DPP10: variants seen among roughly 807,000 people sequenced by gnomAD.
DPP10 encodes the protein inactive dipeptidyl peptidase 10.
DPP10 carries 33 observed loss-of-function variants against 120.9 expected under a neutral mutation model. That is an observed-to-expected ratio of 0.27 (90% CI 0.21 to 0.37). The LOEUF is 0.37. Among genes scored for constraint, DPP10 ranks in the 10% least tolerant of loss-of-function variants. The pLI is 1.00. For missense variants in DPP10, 816 were observed against 942.8 expected (o/e 0.87, Z 1.76); for synonymous variants, 337 against 326.1 (o/e 1.03, Z -0.36).
intron 5 of DPP10, among the ~76,000 whole-genome samples, chr2:115,560,789 C>T (rs994648442): frequency 1.3e-5 from 2 of 151,896 alleles, no homozygotes; most frequent in African/African-American, 2.4e-5. Context: ...TTAAACTCAT[C>T]TTACTGTGGT....
intron 1 of DPP10, among the ~76,000 whole-genome samples, chr2:115,151,332 T>C (rs2051536356): frequency 6.6e-6 from 1 of 152,172 alleles, no homozygotes; most frequent in African/African-American, 2.4e-5. Context: ...TTGATTGTAC[T>C]ACGTTAATAT....
At chr2:115,070,628 A>C (rs1256683952) in intron 1 of DPP10, among the ~76,000 whole-genome samples, 2 of 152,204 alleles carry the variant, frequency 1.3e-5, no homozygotes, top group Admixed American at 6.5e-5. Flanking sequence ...TTGACTATCA[A>C]ACAGCCATAT....
At chr2:115,465,212 T>C (rs1464515653) in intron 3 of DPP10, among the ~76,000 whole-genome samples, 1 of 152,172 alleles carries the variant, frequency 6.6e-6, no homozygotes, top group South Asian at 2.1e-4. Context: ...ACTCATAAAT[T>C]CAGCAGTTAA....
At chr2:115,139,923 C>T (rs1028913859) in intron 1 of DPP10, among the ~76,000 whole-genome samples, 1 of 151,868 alleles carries the variant, frequency 6.6e-6, no homozygotes, top group Non-Finnish European at 1.5e-5. Context: ...AAGTTGAATC[C>T]TATGGGAGAG....
intron 1 of DPP10, among the ~76,000 whole-genome samples, chr2:114,858,895 G>C (rs1689578622): frequency 6.6e-6 from 1 of 152,052 alleles, no homozygotes; most frequent in South Asian, 2.1e-4. Flanking sequence ...AGCCAGAATG[G>C]GATTTATATT....
At chr2:114,479,591 C>T (rs1329678194) in intron 1 of DPP10, among the ~76,000 whole-genome samples, 4 of 152,150 alleles carry the variant, frequency 2.6e-5, no homozygotes, top group Admixed American at 1.3e-4. Flanking sequence ...CTTTGACACA[C>T]CTGACAAAAA....
intron 1 of DPP10, among the ~76,000 whole-genome samples, chr2:114,895,411 T>C (rs1350212662): frequency 1.3e-5 from 2 of 152,138 alleles, no homozygotes; most frequent in African/African-American, 4.8e-5. Flanking sequence ...ACTAGGTGAG[T>C]CCACGTGACT....
At chr2:115,175,904 G>A (rs577364060) in intron 1 of DPP10, among the ~76,000 whole-genome samples, 2 of 152,192 alleles carry the variant, frequency 1.3e-5, no homozygotes, top group East Asian at 3.8e-4. Flanking sequence ...TTTAATGTGG[G>A]TATGAATCAC....
At chr2:114,811,609 T>C (rs749457778) in intron 1 of DPP10, among the ~76,000 whole-genome samples, 1 of 151,568 alleles carries the variant, frequency 6.6e-6, no homozygotes, top group Non-Finnish European at 1.5e-5. Flanking sequence ...CTCACCATTA[T>C]CACCACTCAT....
chr2:114,881,390 C>A (rs1012993094), intron 1 of DPP10, among the ~76,000 whole-genome samples: 1 of 152,010 alleles, frequency 6.6e-6, no homozygotes, highest in South Asian at 2.1e-4. Context: ...CCACTCTGAG[C>A]CATTTGAACA....
At chr2:115,701,072 G>A (rs2091866092) in intron 7 of DPP10, among the ~76,000 whole-genome samples, 1 of 151,936 alleles carries the variant, frequency 6.6e-6, no homozygotes, top group Admixed American at 6.6e-5. Flanking sequence ...TGTCTTTTTT[G>A]CAGATATAGA....
chr2:114,973,570 G>A (rs542326838), intron 1 of DPP10, among the ~76,000 whole-genome samples: 1 of 147,324 alleles, frequency 6.8e-6, no homozygotes, highest in East Asian at 2.1e-4. Context: ...ACTGAGACAG[G>A]AGAATGGCAT....
At chr2:114,879,674 T>C (rs1373388907) in intron 1 of DPP10, among the ~76,000 whole-genome samples, 1 of 152,030 alleles carries the variant, frequency 6.6e-6, no homozygotes, top group African/African-American at 2.4e-5. Context: ...TTTGTGGTGA[T>C]TGAAATACTT....
intron 1 of DPP10, among the ~76,000 whole-genome samples, chr2:114,749,878 C>G (rs927586605): frequency 6.6e-6 from 1 of 152,124 alleles, no homozygotes; most frequent in African/African-American, 2.4e-5. Context: ...AGATCCTCCA[C>G]ATAATGCTGT....
In DPP10 at chr2:115,638,866, A is replaced by G. The variant is rs181462371; in HGVS notation, c.442-50821A>G. 6.6e-3 allele frequency among the ~76,000 whole-genome samples: 1,010 copies of G among 152,292 alleles called. 5 individuals carry two copies. The highest frequency in any genetic ancestry group is 0.01 in the Non-Finnish European group (714 of 68,016). On this transcript the variant is annotated intron_variant, in intron 5 of 25. Coordinates refer to ENST00000410059, the MANE Select transcript of DPP10 (RefSeq NM_020868.6). ...ACACAAACACGGAAGCACTAACTGA[A>G]GAGAAAGTGTTTAAGGGGGACTGGG...
chr2:115,259,024 A>G (rs1323377810), intron 1 of DPP10, among the ~76,000 whole-genome samples: 2 of 152,248 alleles, frequency 1.3e-5, no homozygotes, highest in Non-Finnish European at 2.9e-5. Flanking sequence ...TTTATATAGA[A>G]GAATACAGAG....
chr2:114,708,917 A>G (rs1700850409), intron 1 of DPP10, among the ~76,000 whole-genome samples: 1 of 152,048 alleles, frequency 6.6e-6, no homozygotes, highest in South Asian at 2.1e-4. Context: ...CACCTTACCC[A>G]GCTAATTTTG....
At chr2:114,920,133 C>G (rs768102448) in intron 1 of DPP10, among the ~76,000 whole-genome samples, 5 of 152,156 alleles carry the variant, frequency 3.3e-5, no homozygotes, top group African/African-American at 1.2e-4. Flanking sequence ...GAATGGCTAG[C>G]TTCGGGAGGG....
chr2:114,875,467 A>C (rs1330823200), intron 1 of DPP10, among the ~76,000 whole-genome samples: 1 of 152,164 alleles, frequency 6.6e-6, no homozygotes, highest in Non-Finnish European at 1.5e-5. Context: ...GACTTGGAAT[A>C]AATCTTACTC....
Sources: allele counts gnomAD v4.1 joint callset (sites outside exome capture counted in the v4.1 genomes callset), GRCh38; gene constraint gnomAD v4.1.1; transcripts MANE v1.5; gene names NCBI Gene and HGNC (gene_info 2026-07-23, HGNC 2026-07-21).